The following MRPS27 variants were observed in gnomAD, a reference collection of about 807,000 sequenced individuals.
MRPS27 encodes the protein mitochondrial ribosomal protein S27, also known as small ribosomal subunit protein mS27.
Under a neutral mutation model 48.9 loss-of-function variants are expected in MRPS27, and 43 were observed. That is an observed-to-expected ratio of 0.88 (90% confidence interval 0.69 to 1.13). MRPS27 has a LOEUF of 1.13. MRPS27 is among the 50% of genes most tolerant of loss of function. The pLI, the probability that MRPS27 is intolerant of heterozygous loss-of-function variation, is 0.00. For synonymous variants in MRPS27, 188 were observed against 171.9 expected (o/e 1.09, Z -0.73); for missense variants, 467 against 476.3 (o/e 0.98, Z 0.18).
At chr5:72,228,577 AT>A in intron 7 of MRPS27, 2 of 403,418 alleles carry the variant, frequency 5.0e-6, no homozygotes, top group Non-Finnish European at 8.7e-6. Flanking sequence ...CTATATGTTA[AT>A]GGATTTTTGG....
chr5:72,253,021 A>C (rs532271777), intron 4 of MRPS27, among the ~76,000 whole-genome samples: 3 of 152,172 alleles, frequency 2.0e-5, no homozygotes, highest in Non-Finnish European at 4.4e-5. Context: ...AACTTGTATG[A>C]AGACTTCCCG....
intron 4 of MRPS27, among the ~76,000 whole-genome samples, chr5:72,271,343 T>C (rs1749236930): frequency 6.6e-6 from 1 of 152,138 alleles, no homozygotes. Context: ...AACTGGAAAG[T>C]GGAATTTAGG....
chr5:72,304,382 G>C (rs1750201940), intron 2 of MRPS27, among the ~76,000 whole-genome samples: 1 of 152,072 alleles, frequency 6.6e-6, no homozygotes, highest in Admixed American at 6.5e-5. Context: ...AATGTAAATA[G>C]ACGAAATTTT....
chr5:72,233,885 T>A (rs1196280619), intron 6 of MRPS27, among the ~76,000 whole-genome samples: 2 of 152,190 alleles, frequency 1.3e-5, no homozygotes, highest in Non-Finnish European at 2.9e-5. Flanking sequence ...TTGGCCTGTA[T>A]AATTAACTTA....
At chr5:72,318,085 A>AT (rs1404597752) in intron 1 of MRPS27, among the ~76,000 whole-genome samples, 1 of 152,220 alleles carries the variant, frequency 6.6e-6, no homozygotes, top group Non-Finnish European at 1.5e-5. Flanking sequence ...AAGTTTACAA[A>AT]TTTGTGTTGG....
intron 9 of MRPS27, among the ~76,000 whole-genome samples, chr5:72,224,439 G>A (rs1342508404): frequency 2.6e-5 from 4 of 152,182 alleles, no homozygotes; most frequent in African/African-American, 7.2e-5. Context: ...AGCTAAGTTC[G>A]CTTTTAGTTA....
Position 72,238,186 on chromosome 5 carries a change from C to G in MRPS27, c.282-58G>C, listed in dbSNP as rs189172021. ...TTAACTCTTATATGTTAAAACACAT[C>G]TTCCATCGATAGGTCCTTCTCTTAG... On this transcript the variant is annotated intron_variant, in intron 4 of 10. Transcript: ENST00000261413. 288 of 1,146,440 alleles carry G rather than the reference C, an allele frequency of 2.5e-4. No individual in the cohort carries two copies. In the African/African-American group the frequency reaches 4.0e-3, roughly 16 times the overall value. The allele number at this position is 1,146,440 out of a possible 1,614,324, so 71.0% of individuals were successfully genotyped here.
At chr5:72,260,320 TG>T (rs1333765297) in intron 4 of MRPS27, among the ~76,000 whole-genome samples, 1 of 152,228 alleles carries the variant, frequency 6.6e-6, no homozygotes, top group Admixed American at 6.5e-5. Flanking sequence ...TTTGTCCACC[TG>T]GAATTTATTC....
At chr5:72,269,119 T>A (rs1004377973) in intron 4 of MRPS27, among the ~76,000 whole-genome samples, 2 of 152,170 alleles carry the variant, frequency 1.3e-5, no homozygotes, top group Non-Finnish European at 2.9e-5. Context: ...TGCATATGAG[T>A]TTTCCTTGTA....
At chr5:72,248,007 C>T (rs1748551618) in intron 4 of MRPS27, among the ~76,000 whole-genome samples, 2 of 152,156 alleles carry the variant, frequency 1.3e-5, no homozygotes. Context: ...TACTTTACCA[C>T]TCACCAAACA....
In MRPS27 at chr5:72,320,162, C is replaced by G. The variant is rs1247055911; in HGVS notation, c.60G>C (p.Gln20His). The change falls in exon 1 of 11, where the codon CAG becomes CAC. Residue 20 changes from glutamine (Q) to histidine (H), a missense_variant. By Grantham distance (24) the Gln-to-His change is conservative. Transcript: ENST00000261413. ...TGTCCGGCCAACCTGCAGGAGAGAG[C>G]TGAGGAAGAACCACTTGCCGCGCCA... ...MLLARQVVLP[Q>H]LSPAGKRYLL... is the part of the protein sequence containing the mutation. 43 of 1,613,814 alleles carry G rather than the reference C, an allele frequency of 2.7e-5. No homozygotes were observed. The highest frequency in any genetic ancestry group is 3.6e-5 in the Non-Finnish European group (43 of 1,179,860).
At chr5:72,281,873 T>C (rs61243613) in intron 4 of MRPS27, among the ~76,000 whole-genome samples, 1,668 of 152,246 alleles carry the variant, frequency 0.011, 29 homozygotes, top group African/African-American at 0.038. Flanking sequence ...AATGATTGAG[T>C]TTCACCTCTT....
At chr5:72,231,199 TG>T (rs1748056364) in intron 7 of MRPS27, among the ~76,000 whole-genome samples, 1 of 152,160 alleles carries the variant, frequency 6.6e-6, no homozygotes, top group Non-Finnish European at 1.5e-5. Context: ...CATTTTCTGT[TG>T]TAACTACACT....
At chr5:72,223,027 T>C (rs1427472804) in intron 10 of MRPS27, among the ~76,000 whole-genome samples, 2 of 152,232 alleles carry the variant, frequency 1.3e-5, no homozygotes, top group Non-Finnish European at 2.9e-5. Flanking sequence ...CCCTTTGCAC[T>C]AGACAAGAAT....
At chr5:72,256,709 C>T (rs1561341872) in intron 4 of MRPS27, among the ~76,000 whole-genome samples, 1 of 152,180 alleles carries the variant, frequency 6.6e-6, no homozygotes, top group Non-Finnish European at 1.5e-5. Context: ...TCTATGTGAT[C>T]TGATTTTACA....
At position 72,221,085 on chromosome 5, in the gene MRPS27, T is replaced by G; in HGVS notation, c.1069A>C (p.Thr357Pro). The change falls in exon 11 of 11, where the codon ACC becomes CCC. Residue 357 changes from threonine to proline, a missense_variant. Physicochemically the swap from Thr to Pro is conservative, Grantham distance 38. Transcript: ENST00000261413. ...GAGAGTTTTTCCTTGACAAGCTGGG[T>G]GGTCAGACTTAAAAGACCTTCTGAC... ...IESEGLLSLTTQLVKEKLSTC... is the reference protein window; with the variant it reads ...IESEGLLSLTPQLVKEKLSTC... 1.9e-6 allele frequency: 3 copies of G among 1,614,104 alleles called. No individual in the cohort carries two copies. Among genetic ancestry groups the G allele is most frequent in the Non-Finnish European group, 2.5e-6 (3 of 1,180,008 alleles).
intron 4 of MRPS27, among the ~76,000 whole-genome samples, chr5:72,244,870 GCTCT>G (rs5868631): frequency 2.6e-4 from 39 of 149,510 alleles, no homozygotes; most frequent in Non-Finnish European, 3.4e-4. Flanking sequence ...AAGCTCTGCT[GCTCT>G]CTCTCTCTCT....
chr5:72,309,098 C>T (rs1302419885), intron 2 of MRPS27, among the ~76,000 whole-genome samples: 4 of 150,962 alleles, frequency 2.6e-5, no homozygotes, highest in Admixed American at 1.3e-4. Context: ...CAGGAAACAT[C>T]GATTCTGACT....
At chr5:72,286,178 G>A (rs1197061322) in intron 4 of MRPS27, among the ~76,000 whole-genome samples, 2 of 152,048 alleles carry the variant, frequency 1.3e-5, no homozygotes, top group African/African-American at 4.8e-5. Flanking sequence ...AATAATGCAT[G>A]TGCGTGTGTG....
Sources: gnomAD v4.1 joint callset for allele counts (sites outside exome capture counted in the v4.1 genomes callset) on GRCh38, gnomAD v4.1.1 for gene constraint, MANE v1.5 for transcripts, NCBI Gene and HGNC (gene_info 2026-07-23, HGNC 2026-07-21) for gene names.